The following RPL32 variants were observed in gnomAD, a reference collection of about 807,000 sequenced individuals.
RPL32 encodes large ribosomal subunit protein eL32.
For missense variants in RPL32, 117 were observed against 173.7 expected (o/e 0.67, Z 1.83); for synonymous variants, 61 against 62.6 (o/e 0.98, Z 0.12).
intron 3 of RPL32, among the ~76,000 whole-genome samples, chr3:12,838,379 C>T (rs1318121915): frequency 6.6e-6 from 1 of 152,134 alleles, no homozygotes; most frequent in Non-Finnish European, 1.5e-5. Flanking sequence ...GCACTCCAGC[C>T]CCGGCAAGAG....
In RPL32 at chr3:12,840,205, C is replaced by T. The variant is rs1047070660; in HGVS notation, c.33G>A (p.Lys11=). Residue 11 remains lysine (K), a synonymous_variant, in exon 2 of 4, where the codon AAG becomes AAA. Transcript: ENST00000429711. ...ACTTCTTGGTTCTCTTTTTGACGAT[C>T]TTGGGCTTCACAAGGGGTCTGAGGG... MAALRPLVKP[K]IVKKRTKKFI... 6.2e-6 allele frequency: 10 copies of T among 1,613,912 alleles called. No individual in the cohort carries two copies. The African/African-American group carries it at 1.2e-4, about 19-fold the overall frequency.
chr3:12,841,062 G>C (rs899036461), intron 1 of RPL32: 1 of 153,382 alleles, frequency 6.5e-6, no homozygotes, highest in African/African-American at 2.4e-5. Flanking sequence ...TTTCCTTGGC[G>C]GTCCCGCAGC....
rs577517207 is a variant in RPL32 at position 12,836,011 on chromosome 3, G to C, written c.*83C>G. 2 of 1,537,018 alleles carry C rather than the reference G, an allele frequency of 1.3e-6. No homozygotes were observed. The highest frequency in any genetic ancestry group is 1.8e-6 in the Non-Finnish European group (2 of 1,126,400). On this transcript the variant is annotated 3_prime_UTR_variant, in exon 4 of 4. Coordinates refer to ENST00000429711, the MANE Select transcript of RPL32 (RefSeq NM_000994.4). ...TGTGGCAAACTAAGTTGGCCAAGAA[G>C]CTGAAGACTTAAAATCAAGGAAGGA... is the stretch of plus-strand genomic sequence containing the variant.
chr3:12,836,085 A>ATGAGCTG lies in RPL32; in HGVS notation c.*2_*8dup. ...ATTTATTTAAACAGAAAACGTGCAC[A>ATGAGCTG]TGAGCTGCCTACTCATTTTCTTCAC... On this transcript the variant is annotated 3_prime_UTR_variant, in exon 4 of 4. Coordinates refer to ENST00000429711, the MANE Select transcript of RPL32 (RefSeq NM_000994.4). The ATGAGCTG allele has an allele frequency of 6.2e-7, 1 of 1,611,090 alleles. No individual in the cohort carries two copies. Among genetic ancestry groups the ATGAGCTG allele is most frequent in the South Asian group, 1.1e-5 (1 of 91,032 alleles).
intron 3 of RPL32, among the ~76,000 whole-genome samples, chr3:12,838,743 T>A (rs1472130948): frequency 6.6e-6 from 1 of 152,208 alleles, no homozygotes; most frequent in Non-Finnish European, 1.5e-5. Context: ...AAGACATTCC[T>A]TTCTAGTGAT....
chr3:12,839,655 G>A (rs2062130807), intron 2 of RPL32, 125 bp from the exon 3 acceptor site: 1 of 953,342 alleles, frequency 1.0e-6, no homozygotes, highest in African/African-American at 1.6e-5. Context: ...TTGGTAACAG[G>A]ACTTCACTAT....
In RPL32 at chr3:12,834,711, C is replaced by T. The variant is rs572254406; in HGVS notation, c.*1383G>A. ...CTTCTGAGGAAGGTTTCAAATGTGT[C>T]TAGTGTTCAGTATTGAGGACAAAGA... is the stretch of plus-strand genomic sequence containing the variant. On this transcript the variant is annotated 3_prime_UTR_variant, in exon 4 of 4. Transcript: ENST00000429711. 1 of 152,408 alleles carries T rather than the reference C, an allele frequency of 6.6e-6. No individual in the cohort carries two copies. The highest frequency in any genetic ancestry group is 2.4e-5 in the African/African-American group (1 of 41,584). The allele number at this position is 152,408 out of a possible 1,614,324, so 9.4% of individuals were successfully genotyped here.
chr3:12,834,731 C>T lies in RPL32; in HGVS notation c.*1363G>A, dbSNP rs1246226514. The T allele has an allele frequency of 6.6e-6, 1 of 152,140 alleles. No individual in the cohort carries two copies. Among genetic ancestry groups the T allele is most frequent in the African/African-American group, 2.4e-5 (1 of 41,422 alleles). 9.4% of individuals were successfully genotyped at this position (152,140 alleles called of 1,614,324 possible). A position where few individuals can be genotyped will look rare whatever the true frequency, so the allele number is the denominator to read the frequency against. On this transcript the variant is annotated 3_prime_UTR_variant, in exon 4 of 4. Transcript: ENST00000429711. ...TGTGTCTAGTGTTCAGTATTGAGGA[C>T]AAAGAAATACAAGTGGCAGGCCCAA...
chr3:12,836,656 A>C (rs1157183334), intron 3 of RPL32, among the ~76,000 whole-genome samples: 1 of 152,214 alleles, frequency 6.6e-6, no homozygotes, highest in African/African-American at 2.4e-5. Context: ...AATGGAGCCA[A>C]GAGCACCTGG....
intron 3 of RPL32, among the ~76,000 whole-genome samples, chr3:12,837,542 A>G (rs1384790682): frequency 2.6e-5 from 4 of 152,156 alleles, no homozygotes; most frequent in Admixed American, 6.6e-5. Context: ...CAACTCATAC[A>G]GCCAACTGTG....
intron 3 of RPL32, among the ~76,000 whole-genome samples, chr3:12,838,340 A>G (rs2062115515): frequency 6.6e-6 from 1 of 152,202 alleles, no homozygotes; most frequent in South Asian, 2.1e-4. Flanking sequence ...TGGGCGGTGG[A>G]GGTTGCAGTG....
chr3:12,839,949 T>C (rs1034062336), intron 2 of RPL32, among the ~76,000 whole-genome samples, 193 bp downstream of exon 2: 1 of 152,192 alleles, frequency 6.6e-6, no homozygotes, highest in African/African-American at 2.4e-5. Flanking sequence ...TCCCTTTTCA[T>C]TAAAGTTTCG....
intron 2 of RPL32, 50 bp from the exon 3 acceptor site, chr3:12,839,580 T>G (rs552256795): frequency 7.6e-6 from 12 of 1,577,052 alleles, no homozygotes; most frequent in Middle Eastern, 1.7e-4. Flanking sequence ...GAGTGCGAAC[T>G]CTTCCTTTTG....
Position 12,836,033 on chromosome 3 carries a change from AG to A in RPL32, c.*60del, listed in dbSNP as rs2062096989. ...GAAGCTGAAGACTTAAAATCAAGGA[AG>A]GAAGATGCCAGATGGCAGTTTTTAC... On this transcript the variant is annotated 3_prime_UTR_variant, in exon 4 of 4. Coordinates refer to ENST00000429711, the MANE Select transcript of RPL32 (RefSeq NM_000994.4). 2.5e-6 allele frequency: 4 copies of A among 1,590,030 alleles called. No homozygotes were observed. The Admixed American group carries it at 5.0e-5, about 20-fold the overall frequency.
At position 12,841,499 on chromosome 3, in the gene RPL32, A is replaced by T. The variant is rs1269412951; in HGVS notation, c.-11T>A. 6.6e-6 allele frequency: 1 copy of T among 152,250 alleles called. No individual in the cohort carries two copies. The highest frequency in any genetic ancestry group is 1.5e-5 in the Non-Finnish European group (1 of 68,054). 9.4% of individuals were successfully genotyped at this position (152,250 alleles called of 1,614,324 possible). A position where few individuals can be genotyped will look rare whatever the true frequency, so the allele number is the denominator to read the frequency against. On this transcript the variant is annotated 5_prime_UTR_variant, in exon 1 of 4. Transcript: ENST00000429711. Reference sequence around the variant, plus strand: ...TGCCACGGATTAACACTTACCGAGAAGGAGATGGCTGCCACCTCCGTAGGC... The same window carrying T: ...TGCCACGGATTAACACTTACCGAGATGGAGATGGCTGCCACCTCCGTAGGC...
chr3:12,836,254 G>A (rs751735479), intron 3 of RPL32, 31 bp from the exon 4 acceptor site: 7 of 1,599,060 alleles, frequency 4.4e-6, no homozygotes, highest in Non-Finnish European at 5.1e-6. Context: ...TAAGGAGCAA[G>A]ACAGCCCTCA....
chr3:12,837,035 C>T (rs2052804772), intron 3 of RPL32, among the ~76,000 whole-genome samples: 1 of 152,186 alleles, frequency 6.6e-6, no homozygotes, highest in African/African-American at 2.4e-5. Context: ...TTATATGAGT[C>T]CACTCAAATT....
rs2062097891 is a variant in RPL32 at position 12,836,115 on chromosome 3, C to A, written c.387G>T (p.Leu129=). The A allele has an allele frequency of 1.2e-6, 2 of 1,610,696 alleles. No homozygotes were observed. Among genetic ancestry groups the A allele is most frequent in the Non-Finnish European group, 1.7e-6 (2 of 1,179,996 alleles). The change falls in exon 4 of 4, where the codon CTG becomes CTT. Residue 129 remains leucine (L), a synonymous_variant. Coordinates refer to ENST00000429711, the MANE Select transcript of RPL32 (RefSeq NM_000994.4). ...CTGCCTACTCATTTTCTTCACTGCGCAGCCTGGCATTGGGGTTGGTGACTC... is the reference window on the plus strand; with the variant it reads ...CTGCCTACTCATTTTCTTCACTGCGAAGCCTGGCATTGGGGTTGGTGACTC... ...AIRVTNPNAR[L]RSEENE
intron 3 of RPL32, among the ~76,000 whole-genome samples, chr3:12,836,757 T>C (rs1381811870): frequency 6.6e-6 from 1 of 152,212 alleles, no homozygotes; most frequent in African/African-American, 2.4e-5. Flanking sequence ...GGACTTCAGA[T>C]CCAGTTCTAA....
Sources: gnomAD v4.1 joint callset for allele counts (sites outside exome capture counted in the v4.1 genomes callset) on GRCh38, gnomAD v4.1.1 for gene constraint, MANE v1.5 for transcripts, NCBI Gene and HGNC (gene_info 2026-07-23, HGNC 2026-07-21) for gene names.